RPL5: variants seen among roughly 807,000 people sequenced by gnomAD.
The protein encoded by RPL5 is large ribosomal subunit protein uL18.
In RPL5, 1 loss-of-function variant was observed where a neutral mutation model predicts 38.4. The observed-to-expected ratio is 0.03, with a 90% CI of 0.01 to 0.12. RPL5 has a LOEUF of 0.12. RPL5 is among the 10% of genes least tolerant of loss of function. RPL5 has a pLI of 1.00. For missense variants in RPL5, 243 were observed against 374.1 expected (o/e 0.65, Z 2.89); for synonymous variants, 109 against 121.2 (o/e 0.90, Z 0.66).
chr1:92,841,574 CAG>C (rs1161928102), intron 7 of RPL5, among the ~76,000 whole-genome samples, 190 bp from the exon 8 acceptor site: 1 of 152,100 alleles, frequency 6.6e-6, no homozygotes, highest in African/African-American at 2.4e-5. Flanking sequence ...TAGGACATCA[CAG>C]AAGTTGGGGT....
intron 6 of RPL5, among the ~76,000 whole-genome samples, chr1:92,838,866 G>C (rs561839167): frequency 6.6e-6 from 1 of 152,270 alleles, no homozygotes; most frequent in South Asian, 2.1e-4. Context: ...AGGTAGTTGA[G>C]GTTTCAAATG....
At chr1:92,834,327 A>G (rs978713116) in intron 3 of RPL5, among the ~76,000 whole-genome samples, 1 of 152,232 alleles carries the variant, frequency 6.6e-6, no homozygotes, top group African/African-American at 2.4e-5. Context: ...AAAGACCTTT[A>G]GGAAGTGTCA....
chr1:92,841,766 G>A lies in RPL5; in HGVS notation c.795G>A (p.Arg265=), dbSNP rs767272778. The A allele has an allele frequency of 8.1e-6, 13 of 1,607,890 alleles. No homozygotes were observed. In the African/African-American group the frequency reaches 1.3e-4, roughly 17 times the overall value. The change falls in exon 8 of 8, where the codon AGG becomes AGA. Residue 265 remains arginine (R), a splice_region_variant and synonymous_variant. Coordinates refer to ENST00000370321, the MANE Select transcript of RPL5 (RefSeq NM_000969.5). Reference sequence around the variant, plus strand: ...AAATATATATTCCTATCTTTTGTAGGTGGAACCGTCCCAAAATGTCCCTTG... The same window carrying A: ...AAATATATATTCCTATCTTTTGTAGATGGAACCGTCCCAAAATGTCCCTTG... ...KKPKKEVKKK[R]WNRPKMSLAQ...
Position 92,833,530 on chromosome 1 carries a change from A to G in RPL5, c.74-15A>G. On this transcript the variant is annotated splice_polypyrimidine_tract_variant and intron_variant, in intron 2 of 7. Coordinates refer to ENST00000370321, the MANE Select transcript of RPL5 (RefSeq NM_000969.5). ...GCAGTGGAGTATCCTTTCTACAATT[A>G]TTTTTTTCTTTCAGAGGGTAAAACT... is the stretch of plus-strand genomic sequence containing the variant. 1 of 1,612,612 alleles carries G rather than the reference A, an allele frequency of 6.2e-7. No individual in the cohort carries two copies. Among genetic ancestry groups the G allele is most frequent in the South Asian group, 1.1e-5 (1 of 91,054 alleles).
At chr1:92,832,866 G>A (rs1854795) in intron 1 of RPL5, 1 of 621,628 alleles carries the variant, frequency 1.6e-6, no homozygotes, top group Admixed American at 2.7e-5. Context: ...AGGTAATTTA[G>A]GCTTTTGAAA....
chr1:92,833,073 C>T (rs1686973283), intron 1 of RPL5: 2 of 720,560 alleles, frequency 2.8e-6, no homozygotes, highest in Non-Finnish European at 5.1e-6. Flanking sequence ...GCGTTTAAAA[C>T]CTTTTGAAAG....
At chr1:92,833,927 G>A in intron 3 of RPL5, 1 of 444,806 alleles carries the variant, frequency 2.2e-6, no homozygotes, top group Non-Finnish European at 4.1e-6. Flanking sequence ...GCAATATAGT[G>A]AGAGTTTGTC....
intron 3 of RPL5, among the ~76,000 whole-genome samples, chr1:92,834,212 C>CT (rs2100678848): frequency 6.6e-6 from 1 of 152,322 alleles, no homozygotes; most frequent in South Asian, 2.1e-4. Flanking sequence ...TTATATGCCA[C>CT]TTAACCACTG....
rs747100217 is a variant in RPL5 at position 92,834,750 on chromosome 1, T to TTAC, written c.190-26_190-24dup. The TTAC allele has an allele frequency of 3.6e-5, 58 of 1,611,966 alleles. No individual in the cohort carries two copies. The East Asian group carries it at 1.2e-3, about 34-fold the overall frequency. On this transcript the variant is annotated intron_variant, in intron 3 of 7. Transcript: ENST00000370321. ...GTAGTAAGACAGTGAAAGCAACAGA[T>TTAC]TACTAACCTAGTTTCTCTCTTACTA...
chr1:92,840,973 T>C (rs1687341677), intron 7 of RPL5: 3 of 426,582 alleles, frequency 7.0e-6, no homozygotes, highest in South Asian at 3.7e-5. Context: ...TAAAGTGATG[T>C]GATGGCCCAC....
At chr1:92,837,876 G>T (rs1687188992) in intron 6 of RPL5, 1 of 519,672 alleles carries the variant, frequency 1.9e-6, no homozygotes, top group African/African-American at 1.9e-5. Context: ...TGTAATCATA[G>T]TTGTAATCTG....
In RPL5 at chr1:92,832,079, C is replaced by G. The variant is rs1179845613; in HGVS notation, c.-36C>G. On this transcript the variant is annotated 5_prime_UTR_variant, in exon 1 of 8. Coordinates refer to ENST00000370321, the MANE Select transcript of RPL5 (RefSeq NM_000969.5). ...CTAGCGCCGCTGGGCCTGCAGGTCT[C>G]TGTCGAGCAGCGGACGCCGGTCTCT... The G allele has an allele frequency of 6.2e-7, 1 of 1,613,846 alleles. No homozygotes were observed. The highest frequency in any genetic ancestry group is 8.5e-7 in the Non-Finnish European group (1 of 1,179,890).
At chr1:92,837,785 T>C (rs1687186410) in intron 6 of RPL5, 152 bp downstream of exon 6, 1 of 688,926 alleles carries the variant, frequency 1.5e-6, no homozygotes, top group Admixed American at 2.3e-5. Context: ...TTTTAGATGC[T>C]CAAGTGTGGG....
rs576330538 is a variant in RPL5, at chr1:92,837,629, A to G, written c.701A>G (p.Asp234Gly). ...TACATAAAGAACAGCGTAACTCCAG[A>G]CATGGTAAAACATTTACCTAAAAAT... The part of the protein sequence containing the change: ...SQYIKNSVTP[D>G]MMEEMYKKAH... Residue 234 changes from aspartate (D) to glycine (G), a missense_variant, in exon 6 of 8, where the codon GAC becomes GGC. Physicochemically the swap from Asp to Gly is moderately conservative, Grantham distance 94. Transcript: ENST00000370321. The G allele has an allele frequency of 5.2e-5, 83 of 1,611,496 alleles. No homozygotes were observed. In the South Asian group the frequency reaches 8.6e-4, roughly 17 times the overall value.
intron 7 of RPL5, among the ~76,000 whole-genome samples, chr1:92,841,044 C>A (rs1345085244): frequency 6.6e-6 from 1 of 152,192 alleles, no homozygotes; most frequent in Non-Finnish European, 1.5e-5. Flanking sequence ...ATACTTAACA[C>A]TTTGTGGCAA....
chr1:92,841,135 A>C (rs1285498076), intron 7 of RPL5, among the ~76,000 whole-genome samples: 1 of 152,226 alleles, frequency 6.6e-6, no homozygotes, highest in Non-Finnish European at 1.5e-5. Flanking sequence ...ACTAAAAACA[A>C]AATCATACTC....
intron 1 of RPL5, 135 bp downstream of exon 1, chr1:92,832,252 G>T: frequency 7.1e-7 from 1 of 1,415,566 alleles, no homozygotes; most frequent in Non-Finnish European, 9.8e-7. Flanking sequence ...CTTGGTCGAG[G>T]TGCAGTTCCC....
chr1:92,838,318 T>G (rs1687204772), intron 6 of RPL5, among the ~76,000 whole-genome samples: 5 of 152,228 alleles, frequency 3.3e-5, no homozygotes, highest in Admixed American at 3.3e-4. Context: ...ATAATGTAGG[T>G]GCATGTTAAT....
chr1:92,832,433 TGA>T (rs1163668408), intron 1 of RPL5, among the ~76,000 whole-genome samples: 2 of 152,048 alleles, frequency 1.3e-5, no homozygotes, highest in East Asian at 3.9e-4. Flanking sequence ...CGGCCGGGCG[TGA>T]GAGGTCGCAA....
Sources: allele counts gnomAD v4.1 joint callset (sites outside exome capture counted in the v4.1 genomes callset), GRCh38; gene constraint gnomAD v4.1.1; transcripts MANE v1.5; gene names NCBI Gene and HGNC (gene_info 2026-07-23, HGNC 2026-07-21).